Variants in CDS1 observed in about 807,000 individuals in gnomAD.
The protein encoded by CDS1 is CDP-diacylglycerol synthase 1.
A neutral mutation model predicts 62.1 loss-of-function variants in CDS1; 41 were observed. The observed-to-expected ratio is 0.66, with a 90% CI of 0.51 to 0.86. The LOEUF is 0.86. Among genes scored for constraint, CDS1 ranks in the 40% least tolerant of loss-of-function variants. The pLI is 0.00. For synonymous variants in CDS1, 185 were observed against 192.6 expected, an observed-to-expected ratio of 0.96 and a Z score of 0.32; for missense variants, 470 against 550.1, an observed-to-expected ratio of 0.85 and a Z score of 1.46.
At chr4:84,639,951 G>A (rs1040069832) in intron 9 of CDS1, among the ~76,000 whole-genome samples, 10 of 151,766 alleles carry the variant, frequency 6.6e-5, no homozygotes, top group Non-Finnish European at 1.3e-4. Flanking sequence ...ACATTACAAA[G>A]CGAGAATAAT....
intron 2 of CDS1, among the ~76,000 whole-genome samples, chr4:84,609,104 A>G (rs186013415): frequency 1.1e-4 from 16 of 147,922 alleles, no homozygotes; most frequent in East Asian, 4.0e-4. Context: ...GCGTGAACCC[A>G]GGAGGTGGAG....
chr4:84,623,264 G>T (rs1440799412), intron 5 of CDS1, among the ~76,000 whole-genome samples: 1 of 152,126 alleles, frequency 6.6e-6, no homozygotes, highest in East Asian at 1.9e-4. Flanking sequence ...GCCTGCTGTA[G>T]TTTCTTATGA....
chr4:84,590,804 A>G (rs1273828394), intron 1 of CDS1, among the ~76,000 whole-genome samples: 1 of 152,208 alleles, frequency 6.6e-6, no homozygotes, highest in African/African-American at 2.4e-5. Flanking sequence ...TCATTGCCTT[A>G]CAGAGATAAT....
chr4:84,639,096 A>G, intron 9 of CDS1, 104 bp downstream of exon 9: 1 of 422,238 alleles, frequency 2.4e-6, no homozygotes, highest in Non-Finnish European at 4.1e-6. Flanking sequence ...AAATGCTAAT[A>G]ATATATTTAT....
rs1560484687 is a variant in CDS1 at position 84,643,119 on chromosome 4, A to G, written c.1128A>G (p.Gly376=). ...IGPFGGFFAS[G]FKRAFKIKDF... The stretch of plus-strand genomic sequence containing the variant: ...CATTTGGAGGCTTCTTTGCTAGTGG[A>G]TTCAAAAGAGCCTTCAAAATCAAGG... The change falls in exon 11 of 13, where the codon GGA becomes GGG. Residue 376 remains glycine, a synonymous_variant. Coordinates refer to ENST00000295887, the MANE Select transcript of CDS1 (RefSeq NM_001263.4). The G allele has an allele frequency of 1.2e-6, 2 of 1,612,838 alleles. No individual in the cohort carries two copies. Among genetic ancestry groups the G allele is most frequent in the Non-Finnish European group, 8.5e-7 (1 of 1,179,264 alleles).
intron 3 of CDS1, among the ~76,000 whole-genome samples, chr4:84,609,845 C>T (rs558504028): frequency 4.3e-4 from 66 of 152,130 alleles, no homozygotes; most frequent in East Asian, 2.1e-3. Context: ...CCTGAGACCT[C>T]GTCTCTACAG....
intron 5 of CDS1, among the ~76,000 whole-genome samples, chr4:84,626,680 A>G (rs535506052): frequency 6.6e-6 from 1 of 152,346 alleles, no homozygotes; most frequent in African/African-American, 2.4e-5. Flanking sequence ...ATAGAATACT[A>G]TATGTCTATT....
chr4:84,637,277 G>A (rs1412226789), intron 8 of CDS1, among the ~76,000 whole-genome samples: 1 of 152,142 alleles, frequency 6.6e-6, no homozygotes, highest in Non-Finnish European at 1.5e-5. Context: ...AGAAGTTTTC[G>A]GCTTGGGAAG....
intron 1 of CDS1, among the ~76,000 whole-genome samples, chr4:84,591,834 G>T (rs1410373477): frequency 6.6e-6 from 1 of 152,090 alleles, no homozygotes; most frequent in African/African-American, 2.4e-5. Flanking sequence ...AAAACATTAA[G>T]AAAATTTTTA....
intron 1 of CDS1, among the ~76,000 whole-genome samples, chr4:84,594,454 A>ATT (rs879459496): frequency 6.7e-6 from 1 of 149,568 alleles, no homozygotes; most frequent in Admixed American, 6.7e-5. Context: ...ATAGATATAC[A>ATT]TTTTTTTTTT....
In CDS1 at chr4:84,648,452, C is replaced by G. The variant is rs1724617125; in HGVS notation, c.1257-105C>G. The G allele has an allele frequency of 2.9e-6, 3 of 1,022,432 alleles. No homozygotes were observed. The East Asian group carries it at 7.6e-5, about 26-fold the overall frequency. 63.3% of individuals were successfully genotyped at this position (1,022,432 alleles called of 1,614,324 possible). The stretch of plus-strand genomic sequence containing the variant: ...GAGCTATTTTAATTCTGTAAAGATT[C>G]CTACTCTACACTTAAAGGAATGGTT... On this transcript the variant is annotated intron_variant, in intron 12 of 12. Transcript: ENST00000295887.
intron 2 of CDS1, among the ~76,000 whole-genome samples, chr4:84,606,101 A>G (rs1453168648): frequency 6.6e-6 from 1 of 152,052 alleles, no homozygotes; most frequent in Non-Finnish European, 1.5e-5. Flanking sequence ...AATCTGTTTT[A>G]TACATTTTTA....
intron 11 of CDS1, among the ~76,000 whole-genome samples, chr4:84,644,303 C>G (rs1204745414): frequency 6.6e-6 from 1 of 152,192 alleles, no homozygotes; most frequent in African/African-American, 2.4e-5. Flanking sequence ...GGATAAGTAT[C>G]TTGCGAAGGC....
At chr4:84,587,214 A>G (rs1014110857) in intron 1 of CDS1, among the ~76,000 whole-genome samples, 12 of 152,220 alleles carry the variant, frequency 7.9e-5, no homozygotes, top group African/African-American at 2.9e-4. Context: ...ATATATTTGT[A>G]TTTGTATATA....
chr4:84,583,906 AAGTT>A (rs914850918), intron 1 of CDS1, among the ~76,000 whole-genome samples: 1 of 152,066 alleles, frequency 6.6e-6, no homozygotes, highest in African/African-American at 2.4e-5. Context: ...AGAGGGAACA[AAGTT>A]AGTAAGGACT....
intron 7 of CDS1, 144 bp from the exon 8 acceptor site, chr4:84,635,120 G>T: frequency 1.9e-6 from 1 of 533,418 alleles, no homozygotes; most frequent in South Asian, 2.9e-5. Flanking sequence ...TACTGTTTTG[G>T]CAAGTGTTAT....
intron 5 of CDS1, among the ~76,000 whole-genome samples, chr4:84,622,655 CATT>C (rs1421306729): frequency 2.6e-5 from 4 of 152,130 alleles, no homozygotes; most frequent in Admixed American, 2.6e-4. Context: ...TCATTTCTAT[CATT>C]AATATCTGCA....
In CDS1 at chr4:84,639,007, G is replaced by T; in HGVS notation, c.879+15G>T. On this transcript the variant is annotated intron_variant, in intron 9 of 12. Coordinates refer to ENST00000295887, the MANE Select transcript of CDS1 (RefSeq NM_001263.4). ...TTGGATTCATTGTGAGTATTACTAA[G>T]ATTTTTATTTTGTATACATTTCGAA... 1 of 1,383,480 alleles carries T rather than the reference G, an allele frequency of 7.2e-7. No individual in the cohort carries two copies. Among genetic ancestry groups the T allele is most frequent in the Non-Finnish European group, 9.9e-7 (1 of 1,009,438 alleles). 85.7% of individuals were successfully genotyped at this position (1,383,480 alleles called of 1,614,324 possible).
intron 7 of CDS1, among the ~76,000 whole-genome samples, chr4:84,634,238 G>T (rs1361170545): frequency 6.6e-6 from 1 of 152,016 alleles, no homozygotes; most frequent in Non-Finnish European, 1.5e-5. Context: ...ACAAAAGACA[G>T]ACTTTAAATA....
Sources: allele counts gnomAD v4.1 joint callset (sites outside exome capture counted in the v4.1 genomes callset), GRCh38; gene constraint gnomAD v4.1.1; transcripts MANE v1.5; gene names NCBI Gene and HGNC (gene_info 2026-07-23, HGNC 2026-07-21).